LOC400499: variants seen among roughly 807,000 people sequenced by gnomAD.
chr16:11,489,247 C>G, the LOC400499 span, among the ~76,000 whole-genome samples: 1 of 152,200 alleles, frequency 6.6e-6, no homozygotes, highest in African/African-American at 2.4e-5. Flanking sequence ...GAAGTCAGAC[C>G]TGATTTCAAA....
the LOC400499 span, among the ~76,000 whole-genome samples, chr16:11,403,007 C>T: frequency 1.2e-4 from 19 of 152,072 alleles, no homozygotes; most frequent in Non-Finnish European, 2.1e-4. Context: ...GCTGAGTCCT[C>T]GCAACAACAG....
chr16:11,437,287 C>T, the LOC400499 span, among the ~76,000 whole-genome samples: 62 of 152,172 alleles, frequency 4.1e-4, no homozygotes, highest in Non-Finnish European at 1.5e-5. Context: ...TGGCAGGGCA[C>T]GATGACTCAC....
the LOC400499 span, among the ~76,000 whole-genome samples, chr16:11,406,960 G>C: frequency 1.3e-5 from 2 of 152,226 alleles, no homozygotes; most frequent in Non-Finnish European, 2.9e-5. Context: ...AGGAAGGATT[G>C]ATCAGATCTG....
chr16:11,473,821 C>T, the LOC400499 span, among the ~76,000 whole-genome samples: 19 of 151,710 alleles, frequency 1.3e-4, no homozygotes, highest in Non-Finnish European at 2.6e-4. Context: ...AAACATTCTT[C>T]GTAAAGGGCC....
the LOC400499 span, among the ~76,000 whole-genome samples, chr16:11,498,848 CA>C: frequency 6.6e-6 from 1 of 151,368 alleles, no homozygotes; most frequent in African/African-American, 2.4e-5. Flanking sequence ...ACACACCATA[CA>C]ATTCACCTGG....
At chr16:11,491,856 C>T in the LOC400499 span, 2 of 398,894 alleles carry the variant, frequency 5.0e-6, no homozygotes, top group Non-Finnish European at 8.8e-6. Context: ...CTGGCTTGGG[C>T]AGAAGGAAAG....
chr16:11,392,674 C>A, the LOC400499 span: 1 of 696,986 alleles, frequency 1.4e-6, no homozygotes, highest in African/African-American at 1.9e-5. Context: ...GAAGCCCCCT[C>A]TTCTGTCCCC....
chr16:11,386,852 C>G, the LOC400499 span, among the ~76,000 whole-genome samples: 3 of 152,206 alleles, frequency 2.0e-5, no homozygotes, highest in African/African-American at 7.2e-5. Context: ...GGAGGGCTGC[C>G]GTCTTCTCCA....
At chr16:11,471,041 T>G in the LOC400499 span, among the ~76,000 whole-genome samples, 1 of 152,118 alleles carries the variant, frequency 6.6e-6, no homozygotes, top group Non-Finnish European at 1.5e-5. Flanking sequence ...CAAGGGCCTG[T>G]GGGTCACGGC....
chr16:11,412,173 C>A, the LOC400499 span, among the ~76,000 whole-genome samples: 1 of 152,184 alleles, frequency 6.6e-6, no homozygotes, highest in South Asian at 2.1e-4. Context: ...CCTCTCTCCC[C>A]TGTTGCTAAC....
chr16:11,522,110 A>C, the LOC400499 span: 5 of 366,212 alleles, frequency 1.4e-5, no homozygotes, highest in Non-Finnish European at 1.4e-5. Context: ...GGCCCAGCTG[A>C]CCCTGAAGGG....
chr16:11,434,880 A>C, the LOC400499 span, among the ~76,000 whole-genome samples: 2 of 152,170 alleles, frequency 1.3e-5, no homozygotes, highest in Non-Finnish European at 2.9e-5. Context: ...TAGTGGACAC[A>C]TGAGTAGGTA....
chr16:11,412,873 G>C, the LOC400499 span: 1 of 399,102 alleles, frequency 2.5e-6, no homozygotes, highest in African/African-American at 2.1e-5. Flanking sequence ...GGACGTCAAG[G>C]ACCAAGGTGG....
the LOC400499 span, among the ~76,000 whole-genome samples, chr16:11,444,981 T>C: frequency 6.6e-6 from 1 of 151,788 alleles, no homozygotes; most frequent in African/African-American, 2.4e-5. Context: ...CCCAGCTACT[T>C]GGTAGGCTGA....
At chr16:11,433,865 T>C in the LOC400499 span, among the ~76,000 whole-genome samples, 6 of 152,212 alleles carry the variant, frequency 3.9e-5, no homozygotes, top group African/African-American at 1.4e-4. Context: ...CCTTGCCCTA[T>C]GCGTCTCTTC....
At chr16:11,386,145 C>T in the LOC400499 span, among the ~76,000 whole-genome samples, 1 of 152,194 alleles carries the variant, frequency 6.6e-6, no homozygotes, top group East Asian at 1.9e-4. Context: ...GTCCCTCAAA[C>T]ACAAGACTGG....
chr16:11,395,453 C>T, the LOC400499 span, among the ~76,000 whole-genome samples: 3 of 152,216 alleles, frequency 2.0e-5, no homozygotes, highest in South Asian at 2.1e-4. Flanking sequence ...CTTACAGAGC[C>T]GGGGGCAGGC....
chr16:11,494,608 G>T, the LOC400499 span: 1 of 399,202 alleles, frequency 2.5e-6, no homozygotes, highest in Non-Finnish European at 4.4e-6. Context: ...GGATGGTACA[G>T]TTCTCACCCA....
chr16:11,463,114 G>C, the LOC400499 span, among the ~76,000 whole-genome samples: 2 of 152,200 alleles, frequency 1.3e-5, no homozygotes, highest in South Asian at 2.1e-4. Flanking sequence ...GTGCAGACCT[G>C]GCCATGGGAA....
Sources: gnomAD v4.1 joint callset for allele counts (sites outside exome capture counted in the v4.1 genomes callset) on GRCh38, gnomAD v4.1.1 for gene constraint, MANE v1.5 for transcripts.